The following RIMBP2 variants were observed in gnomAD, a reference collection of about 807,000 sequenced individuals.
RIMBP2 encodes the protein RIMS-binding protein 2.
In RIMBP2, 48 loss-of-function variants were observed where a neutral mutation model predicts 118.6. The ratio of observed to expected loss-of-function variants is 0.40; its 90% CI spans 0.32 to 0.51. RIMBP2 has a LOEUF of 0.51. Ranked by LOEUF, RIMBP2 falls within the 20% of genes least tolerant of loss-of-function variation. The pLI is 0.41. For missense variants in RIMBP2, 1,551 were observed against 1,768.3 expected, an observed-to-expected ratio of 0.88 and a Z score of 2.20; for synonymous variants, 762 against 742.9, an observed-to-expected ratio of 1.03 and a Z score of -0.42.
In RIMBP2 at chr12:130,442,686, C is replaced by A. The variant is rs780150540; in HGVS notation, c.692-26G>T. The A allele has an allele frequency of 2.5e-6, 4 of 1,595,338 alleles. No homozygotes were observed. Among genetic ancestry groups the A allele is most frequent in the South Asian group, 1.1e-5 (1 of 88,090 alleles). On this transcript the variant is annotated intron_variant, in intron 10 of 22. Transcript: ENST00000690449. The surrounding 1 kb of genome is among the most constrained non-coding windows in gnomAD (Gnocchi z 6.9). ...CTGTTGGGTACAAGGACAGAGTTAT[C>A]ACCCAGCCAACACAGCAGGGGCCTC...
At chr12:130,409,499 C>T (rs775402920) in intron 19 of RIMBP2, among the ~76,000 whole-genome samples, 2 of 151,982 alleles carry the variant, frequency 1.3e-5, no homozygotes, top group East Asian at 1.9e-4. Context: ...CCCGCCACCA[C>T]GCCCGGCTAA....
rs867968864 is a variant in RIMBP2, at chr12:130,671,188, G to A, written c.-351-42732C>T. Among the ~76,000 whole-genome samples the A allele has an allele frequency of 6.0e-5, 9 of 150,814 alleles. No individual in the cohort carries two copies. The South Asian group carries it at 1.9e-3, about 32-fold the overall frequency. On this transcript the variant is annotated intron_variant, in intron 1 of 22. Transcript: ENST00000690449. ...GCAACCATTTTGTGACCTTGAGGGG[G>A]CAAAAAAAATAAGAGACCCCGGCCC...
At position 130,475,475 on chromosome 12, in the gene RIMBP2, A is replaced by T. The variant is rs1226281659; in HGVS notation, c.102+3437T>A. The stretch of plus-strand genomic sequence containing the variant: ...CAGGAAAAATAAACTCCTGCCTCAC[A>T]TTGCACATCAAGAAAAACAACATTA... On this transcript the variant is annotated intron_variant, in intron 5 of 22. Coordinates refer to ENST00000690449, the MANE Select transcript of RIMBP2 (RefSeq NM_001393629.1). This position sits in a 1 kb window ranked among gnomAD's most constrained non-coding sequence, Gnocchi z 4.1. 6.6e-6 allele frequency among the ~76,000 whole-genome samples: 1 copy of T among 152,256 alleles called. No individual in the cohort carries two copies. Among genetic ancestry groups the T allele is most frequent in the African/African-American group, 2.4e-5 (1 of 41,548 alleles).
At chr12:130,642,629 C>T (rs1286053409) in intron 1 of RIMBP2, among the ~76,000 whole-genome samples, 1 of 152,328 alleles carries the variant, frequency 6.6e-6, no homozygotes, top group African/African-American at 2.4e-5. Flanking sequence ...GGAATAATAA[C>T]CTTTATTACT....
intron 22 of RIMBP2, chr12:130,398,966 A>G (rs2074268959): frequency 5.3e-6 from 2 of 377,816 alleles, no homozygotes; most frequent in Non-Finnish European, 9.8e-6. Context: ...TAATATTCTA[A>G]TTATTTAGGT....
intron 1 of RIMBP2, among the ~76,000 whole-genome samples, chr12:130,715,227 C>T (rs1162547285): frequency 6.6e-6 from 1 of 152,236 alleles, no homozygotes; most frequent in East Asian, 1.9e-4. Flanking sequence ...TGGACAGGGT[C>T]CCCTTCCCTC....
chr12:130,630,034 C>T (rs541977280), intron 1 of RIMBP2, among the ~76,000 whole-genome samples: 7 of 129,570 alleles, frequency 5.4e-5, no homozygotes, highest in African/African-American at 1.9e-4. Context: ...ACATAAAAGT[C>T]AAGAACAAGA....
chr12:130,537,502 A>G (rs951486892), intron 2 of RIMBP2, among the ~76,000 whole-genome samples: 1 of 152,164 alleles, frequency 6.6e-6, no homozygotes, highest in Admixed American at 6.5e-5. Flanking sequence ...TTAGCAAACG[A>G]CTTAACCTCT....
At chr12:130,619,005 G>A (rs1181152414) in intron 2 of RIMBP2, among the ~76,000 whole-genome samples, 1 of 152,022 alleles carries the variant, frequency 6.6e-6, no homozygotes, top group African/African-American at 2.4e-5. Flanking sequence ...TATTGCTGAT[G>A]GACTTTTTAT....
intron 2 of RIMBP2, among the ~76,000 whole-genome samples, chr12:130,535,745 A>ATG (rs2053993309): frequency 2.8e-4 from 7 of 24,864 alleles, no homozygotes; most frequent in Middle Eastern, 0.017. Flanking sequence ...ATACATATAT[A>ATG]TATATATATA....
intron 1 of RIMBP2, among the ~76,000 whole-genome samples, chr12:130,686,733 G>A (rs11061084): frequency 0.028 from 4,209 of 152,318 alleles, 194 homozygotes; most frequent in African/African-American, 0.094. Flanking sequence ...TCCCTCGACA[G>A]GCGTGAGGGG....
chr12:130,506,512 C>G lies in RIMBP2; in HGVS notation c.-4+136G>C, dbSNP rs973207607. The G allele has an allele frequency of 7.3e-6, 4 of 550,254 alleles. No homozygotes were observed. In the African/African-American group the frequency reaches 8.2e-5, roughly 11 times the overall value. The allele number at this position is 550,254 out of a possible 1,614,324, so 34.1% of individuals were successfully genotyped here. ...ATACCACAAAAAGGGGAAAAACAGC[C>G]CCAACATCTCTGAATGTGGATGATG... On this transcript the variant is annotated intron_variant, in intron 4 of 22. Coordinates refer to ENST00000690449, the MANE Select transcript of RIMBP2 (RefSeq NM_001393629.1).
intron 2 of RIMBP2, among the ~76,000 whole-genome samples, chr12:130,579,846 GAGGGAGGCA>G (rs1212626571): frequency 3.3e-5 from 5 of 151,982 alleles, no homozygotes; most frequent in Admixed American, 6.6e-5. Flanking sequence ...ACCAGAGCTC[GAGGGAGGCA>G]AGGGAGGCAA....
chr12:130,558,415 G>A (rs1022596729), intron 2 of RIMBP2, among the ~76,000 whole-genome samples: 1 of 152,106 alleles, frequency 6.6e-6, no homozygotes. Flanking sequence ...GGTGGGGCTG[G>A]GCTTTGCACT....
chr12:130,643,773 T>C (rs922992354), intron 1 of RIMBP2, among the ~76,000 whole-genome samples: 2 of 152,072 alleles, frequency 1.3e-5, no homozygotes, highest in African/African-American at 4.8e-5. Context: ...GGAGCAGACA[T>C]GCCCACAGAG....
chr12:130,694,812 G>A (rs572148310), intron 1 of RIMBP2, among the ~76,000 whole-genome samples: 2 of 152,316 alleles, frequency 1.3e-5, no homozygotes, highest in South Asian at 2.1e-4. Context: ...ACAAAGAAAG[G>A]GAAGAAGCCA....
Position 130,710,051 on chromosome 12 carries a change from G to T in RIMBP2, c.-352+6171C>A, listed in dbSNP as rs1180213641. On this transcript the variant is annotated intron_variant, in intron 1 of 22. Transcript: ENST00000690449. This position sits in a 1 kb window ranked among gnomAD's most constrained non-coding sequence, Gnocchi z 4.3. ...CCCCCTGGTTTCCGGGTATCCCTGG[G>T]AGCTCACGGGTGGACACCGAGGGTC... Among the ~76,000 whole-genome samples the T allele has an allele frequency of 7.9e-5, 12 of 152,156 alleles. No individual in the cohort carries two copies. The highest frequency in any genetic ancestry group is 1.5e-5 in the Non-Finnish European group (1 of 68,024).
At chr12:130,680,149 G>A (rs1341756900) in intron 1 of RIMBP2, among the ~76,000 whole-genome samples, 1 of 152,248 alleles carries the variant, frequency 6.6e-6, no homozygotes, top group Non-Finnish European at 1.5e-5. Flanking sequence ...ATGCATTATT[G>A]GTGGGAGAGA....
intron 2 of RIMBP2, among the ~76,000 whole-genome samples, chr12:130,607,295 C>T (rs947665671): frequency 6.6e-6 from 1 of 152,196 alleles, no homozygotes; most frequent in African/African-American, 2.4e-5. Context: ...AACATTCCCA[C>T]TAAGTGTTTG....
Sources: allele counts gnomAD v4.1 joint callset (sites outside exome capture counted in the v4.1 genomes callset), GRCh38; gene constraint gnomAD v4.1.1; non-coding constraint Gnocchi (gnomAD v3.1); transcripts MANE v1.5; gene names NCBI Gene and HGNC (gene_info 2026-07-23, HGNC 2026-07-21).